FAT3: variants seen among roughly 807,000 people sequenced by gnomAD.
FAT3 encodes protocadherin Fat 3.
FAT3 carries 95 observed loss-of-function variants against 310.2 expected under a neutral mutation model. The observed-to-expected ratio is 0.31, with a 90% CI of 0.26 to 0.36. FAT3 has a LOEUF of 0.36. Ranked by LOEUF, FAT3 falls within the 10% of genes least tolerant of loss-of-function variation. The pLI is 1.00. For missense variants in FAT3, 5,408 were observed against 5,715.6 expected (o/e 0.95, Z 1.74); for synonymous variants, 2,314 against 2,192.9 (o/e 1.06, Z -1.54).
chr11:92,842,072 C>T (rs1245386723), intron 18 of FAT3, among the ~76,000 whole-genome samples: 1 of 152,200 alleles, frequency 6.6e-6, no homozygotes, highest in Non-Finnish European at 1.5e-5. Context: ...TTCAGGTATG[C>T]TCCGTGACTG....
Position 92,892,794 on chromosome 11 carries a change from C to T in FAT3, c.*1681C>T, listed in dbSNP as rs1949944870. On this transcript the variant is annotated 3_prime_UTR_variant, in exon 28 of 28. Transcript: ENST00000525166. ...TTTAAAAGTGTGTAATGTTTGATTA[C>T]ACCCTGGGATTCCCTTCTCATCTGT... is the stretch of plus-strand genomic sequence containing the variant. The T allele has an allele frequency of 6.6e-6, 1 of 152,190 alleles. No individual in the cohort carries two copies. Among genetic ancestry groups the T allele is most frequent in the African/African-American group, 2.4e-5 (1 of 41,440 alleles). The allele number at this position is 152,190 out of a possible 1,614,324, so 9.4% of individuals were successfully genotyped here. A position where few individuals can be genotyped will look rare whatever the true frequency, so the allele number is the denominator to read the frequency against.
chr11:92,514,108 C>A (rs552990364), intron 2 of FAT3, among the ~76,000 whole-genome samples: 1 of 152,178 alleles, frequency 6.6e-6, no homozygotes, highest in Non-Finnish European at 1.5e-5. Context: ...TTTTCTAATA[C>A]TTGTTTGTGA....
intron 3 of FAT3, among the ~76,000 whole-genome samples, chr11:92,551,121 C>A (rs1265458176): frequency 6.6e-6 from 1 of 152,062 alleles, no homozygotes; most frequent in Non-Finnish European, 1.5e-5. Context: ...CCCTGTGAGG[C>A]AGGGCTGAGC....
At chr11:92,495,814 C>T (rs933643762) in intron 2 of FAT3, among the ~76,000 whole-genome samples, 1 of 151,790 alleles carries the variant, frequency 6.6e-6, no homozygotes, top group African/African-American at 2.4e-5. Flanking sequence ...TTTTTCAGAC[C>T]CTTGATAGAG....
At chr11:92,341,749 CT>C (rs771453860) in intron 1 of FAT3, among the ~76,000 whole-genome samples, 3 of 152,110 alleles carry the variant, frequency 2.0e-5, no homozygotes, top group Non-Finnish European at 2.9e-5. Context: ...TTGGTTTCTT[CT>C]TTTCCTTTTT....
At chr11:92,855,704 T>C (rs1297220066) in intron 19 of FAT3, among the ~76,000 whole-genome samples, 1 of 152,180 alleles carries the variant, frequency 6.6e-6, no homozygotes, top group Admixed American at 6.5e-5. Context: ...TTTCAGGGCA[T>C]TTAAGTATTA....
intron 1 of FAT3, among the ~76,000 whole-genome samples, chr11:92,301,888 G>A (rs1353484767): frequency 2.6e-5 from 4 of 151,994 alleles, no homozygotes; most frequent in Non-Finnish European, 4.4e-5. Flanking sequence ...TTTCCAAAGG[G>A]CTTTGAGGGG....
chr11:92,684,744 C>T (rs936406468), intron 3 of FAT3, among the ~76,000 whole-genome samples: 2 of 152,250 alleles, frequency 1.3e-5, no homozygotes, highest in Middle Eastern at 6.8e-3. Context: ...CTCCCCACAC[C>T]CCCATACTAG....
intron 2 of FAT3, among the ~76,000 whole-genome samples, chr11:92,458,934 C>G (rs1344442829): frequency 1.3e-5 from 2 of 152,146 alleles, no homozygotes; most frequent in Admixed American, 6.6e-5. Context: ...TGCACAGGCA[C>G]TTGATAACTG....
At chr11:92,267,073 G>A (rs765553484) in intron 1 of FAT3, among the ~76,000 whole-genome samples, 3 of 118,802 alleles carry the variant, frequency 2.5e-5, no homozygotes, top group Non-Finnish European at 5.2e-5. Flanking sequence ...CCTGTCACGC[G>A]GGTGTAGCTT....
chr11:92,249,146 A>T (rs1454348914), intron 1 of FAT3, among the ~76,000 whole-genome samples: 1 of 152,128 alleles, frequency 6.6e-6, no homozygotes, highest in East Asian at 1.9e-4. Flanking sequence ...AAGTAAGTTA[A>T]AGTACCTGCG....
chr11:92,503,833 A>C (rs1203133705), intron 2 of FAT3, among the ~76,000 whole-genome samples: 2 of 152,146 alleles, frequency 1.3e-5, no homozygotes, highest in African/African-American at 4.8e-5. Context: ...GTGGTAATAC[A>C]AAGTTCTCTA....
intron 2 of FAT3, among the ~76,000 whole-genome samples, chr11:92,389,614 A>G (rs1329640786): frequency 6.6e-6 from 1 of 152,198 alleles, no homozygotes; most frequent in Non-Finnish European, 1.5e-5. Context: ...CTTAACAATA[A>G]CTACCATTTA....
At chr11:92,499,723 A>G (rs112371913) in intron 2 of FAT3, among the ~76,000 whole-genome samples, 211 of 127,816 alleles carry the variant, frequency 1.7e-3, no homozygotes, top group African/African-American at 4.9e-3. Context: ...ATGTGTGTGT[A>G]TGTGTGTGTG....
At chr11:92,573,591 A>G (rs1399107747) in intron 3 of FAT3, among the ~76,000 whole-genome samples, 3 of 152,172 alleles carry the variant, frequency 2.0e-5, no homozygotes, top group African/African-American at 7.2e-5. Context: ...TGGGTTGTAA[A>G]TCTAATGATG....
rs1158681320 is a variant in FAT3, at chr11:92,801,173, T to A, written c.8160T>A (p.Asp2720Glu). 6.2e-7 allele frequency: 1 copy of A among 1,613,828 alleles called. No homozygotes were observed. The highest frequency in any genetic ancestry group is 8.5e-7 in the Non-Finnish European group (1 of 1,179,876). ...AGTATTCCTTTACCATTGCAGAAGA[T>A]ACAGCCATTGGGAGTACAGTGGACA... is the stretch of plus-strand genomic sequence containing the variant. Reference protein sequence around the residue: ...QSQYSFTIAEDTAIGSTVDTL... With the variant: ...QSQYSFTIAEETAIGSTVDTL... The change falls in exon 10 of 28, where the codon GAT becomes GAA. Residue 2720 changes from aspartate to glutamate, a missense_variant. Physicochemically the swap from Asp to Glu is conservative, Grantham distance 45 (BLOSUM62 2). Around this residue, in one of 5 missense-constraint regions of FAT3, gnomAD observed 4,588 missense variants for 4,809.8 expected, o/e 0.95. Coordinates refer to ENST00000525166, the MANE Select transcript of FAT3 (RefSeq NM_001367949.2).
intron 3 of FAT3, among the ~76,000 whole-genome samples, chr11:92,549,784 G>T (rs937693217): frequency 2.6e-5 from 4 of 152,112 alleles, no homozygotes; most frequent in Non-Finnish European, 4.4e-5. Context: ...CAGGACCCAA[G>T]GCCAGATTCA....
chr11:92,854,971 G>A (rs564235073), intron 19 of FAT3, among the ~76,000 whole-genome samples: 20 of 152,308 alleles, frequency 1.3e-4, no homozygotes, highest in Middle Eastern at 3.4e-3. Flanking sequence ...GTTTCCATAC[G>A]TACTTGAAAG....
intron 3 of FAT3, among the ~76,000 whole-genome samples, chr11:92,586,325 A>G (rs554651240): frequency 6.6e-6 from 1 of 152,110 alleles, no homozygotes; most frequent in Middle Eastern, 3.4e-3. Context: ...TACCTATAGC[A>G]CAGCCTGCAG....
Sources: gnomAD v4.1 joint callset for allele counts (sites outside exome capture counted in the v4.1 genomes callset) on GRCh38, gnomAD v4.1.1 for gene constraint, gnomAD v4.1.1 regional missense constraint, MANE v1.5 for transcripts, NCBI Gene and HGNC (gene_info 2026-07-23, HGNC 2026-07-21) for gene names.